Variants in ERC2 observed in about 807,000 individuals in gnomAD.
The protein encoded by ERC2 is ELKS/RAB6-interacting/CAST family member 2, also known as ERC protein 2.
A neutral mutation model predicts 114.8 loss-of-function variants in ERC2; 42 were observed. That is an observed-to-expected ratio of 0.37 (90% CI 0.29 to 0.47). The LOEUF is 0.47. Among genes scored for constraint, ERC2 ranks in the 20% least tolerant of loss-of-function variants. The probability of loss-of-function intolerance (pLI) is 0.99; values close to 1 mark genes in which losing one functional copy is unlikely to be tolerated. For missense variants in ERC2, 939 were observed against 1,150.7 expected, an observed-to-expected ratio of 0.82 and a Z score of 2.66; for synonymous variants, 454 against 425.5, an observed-to-expected ratio of 1.07 and a Z score of -0.82.
chr3:55,703,205 T>G (rs918069170), intron 15 of ERC2, among the ~76,000 whole-genome samples: 1 of 152,260 alleles, frequency 6.6e-6, no homozygotes, highest in East Asian at 1.9e-4. Flanking sequence ...GGATTCAAGT[T>G]CTTGGGAGGC....
At chr3:56,378,135 G>A (rs1022711181) in intron 2 of ERC2, among the ~76,000 whole-genome samples, 4 of 150,792 alleles carry the variant, frequency 2.7e-5, no homozygotes, top group African/African-American at 4.9e-5. Flanking sequence ...TGTTTATTGC[G>A]GCATTATTCA....
chr3:56,193,393 A>C (rs1030579422), intron 3 of ERC2, among the ~76,000 whole-genome samples: 2 of 152,068 alleles, frequency 1.3e-5, no homozygotes, highest in African/African-American at 4.8e-5. Flanking sequence ...ATGTAATCCC[A>C]GCTATTCAGG....
intron 3 of ERC2, among the ~76,000 whole-genome samples, chr3:56,225,662 C>T (rs1213558760): frequency 6.6e-6 from 1 of 152,192 alleles, no homozygotes; most frequent in Non-Finnish European, 1.5e-5. Flanking sequence ...TTTTGTCTAA[C>T]ACCTTCTTAC....
intron 17 of ERC2, among the ~76,000 whole-genome samples, chr3:55,614,900 AAAAC>A (rs982921651): frequency 4.6e-5 from 7 of 152,356 alleles, no homozygotes; most frequent in South Asian, 4.1e-4. Context: ...ACTTACCACT[AAAAC>A]AAACAAACAA....
At chr3:55,693,515 A>T (rs2062770117) in intron 16 of ERC2, among the ~76,000 whole-genome samples, 1 of 152,068 alleles carries the variant, frequency 6.6e-6, no homozygotes, top group Admixed American at 6.5e-5. Context: ...CTACTTGAGG[A>T]TCTCATTCTG....
rs368392913 is a variant in ERC2 at position 55,796,286 on chromosome 3, G to A, written c.2565-61368C>T. ...TGAACTATTGGGCCTTCGGTGGACT[G>A]CATGAGAAGCAGAAATCTCAAAAGT... On this transcript the variant is annotated intron_variant, in intron 14 of 17. Transcript: ENST00000288221. Among the ~76,000 whole-genome samples the A allele has an allele frequency of 7.2e-5, 11 of 152,328 alleles. No homozygotes were observed. The East Asian group carries it at 1.7e-3, about 24-fold the overall frequency.
chr3:55,942,675 A>T (rs1009824990), intron 13 of ERC2, among the ~76,000 whole-genome samples: 3 of 152,144 alleles, frequency 2.0e-5, no homozygotes, highest in Admixed American at 6.5e-5. Context: ...CATAAATAAG[A>T]TGTAGAGGGA....
At chr3:55,544,310 A>G (rs1307167022) in intron 17 of ERC2, among the ~76,000 whole-genome samples, 6 of 152,112 alleles carry the variant, frequency 3.9e-5, no homozygotes, top group Admixed American at 3.3e-4. Context: ...CCACTCACAC[A>G]TGTGGCCCAG....
chr3:55,944,893 T>C (rs2067032340), intron 13 of ERC2, among the ~76,000 whole-genome samples: 1 of 152,222 alleles, frequency 6.6e-6, no homozygotes, highest in African/African-American at 2.4e-5. Context: ...TTGTCCTCTG[T>C]AGACTAACAA....
chr3:56,207,659 C>T (rs1035431039), intron 3 of ERC2, among the ~76,000 whole-genome samples: 7 of 152,034 alleles, frequency 4.6e-5, no homozygotes, highest in Non-Finnish European at 1.0e-4. Flanking sequence ...AGAAAAAAAC[C>T]TTTTAAAAAT....
At position 56,185,852 on chromosome 3, in the gene ERC2, T is replaced by G. The variant is rs117428624; in HGVS notation, c.1075-12332A>C. Among the ~76,000 whole-genome samples the G allele has an allele frequency of 6.0e-3, 920 of 152,106 alleles. 75 individuals are homozygous for G. The East Asian group carries it at 0.16, about 26-fold the overall frequency. Reference sequence around the variant, plus strand: ...ATGTGCCTTATAAAAGCTGAGAACTTTCTCTGGCTGGAGGCAGAGAGAGAT... The same window carrying G: ...ATGTGCCTTATAAAAGCTGAGAACTGTCTCTGGCTGGAGGCAGAGAGAGAT... On this transcript the variant is annotated intron_variant, in intron 3 of 17. Transcript: ENST00000288221.
intron 3 of ERC2, among the ~76,000 whole-genome samples, chr3:56,218,593 G>T (rs1377471284): frequency 2.0e-5 from 3 of 152,110 alleles, no homozygotes; most frequent in Non-Finnish European, 4.4e-5. Context: ...AATCCCTCAG[G>T]GATCTAGAAC....
intron 16 of ERC2, 84 bp from the exon 17 acceptor site, chr3:55,683,943 G>T: frequency 7.0e-7 from 1 of 1,434,004 alleles, no homozygotes; most frequent in Non-Finnish European, 9.6e-7. Flanking sequence ...ACACCGAGAT[G>T]CACTGGAAAG....
intron 1 of ERC2, among the ~76,000 whole-genome samples, chr3:56,446,629 C>CTTTTTTTTTTTTTTTTTT (rs71099637): frequency 3.0e-5 from 4 of 132,094 alleles, no homozygotes; most frequent in African/African-American, 1.1e-4. Context: ...TTTTTTCTTT[C>CTTTTTTTTTTTTTTTTTT]TTTTTTTTTT....
chr3:55,912,826 A>G (rs529081532), intron 13 of ERC2, among the ~76,000 whole-genome samples: 126 of 152,268 alleles, frequency 8.3e-4, no homozygotes, highest in African/African-American at 2.7e-3. Flanking sequence ...GGAAAGTATG[A>G]GAGAGAGAAA....
intron 3 of ERC2, among the ~76,000 whole-genome samples, chr3:56,187,666 C>T (rs1409148409): frequency 6.6e-6 from 1 of 152,066 alleles, no homozygotes; most frequent in Non-Finnish European, 1.5e-5. Flanking sequence ...CTGTTATAGA[C>T]AGCAGTCAGA....
At chr3:56,299,962 T>C (rs987480341) in intron 2 of ERC2, among the ~76,000 whole-genome samples, 2 of 152,162 alleles carry the variant, frequency 1.3e-5, no homozygotes, top group Admixed American at 6.5e-5. Context: ...AACAGCAACA[T>C]TGGAAAGACC....
chr3:55,991,923 C>A (rs4974159), intron 11 of ERC2, 134 bp downstream of exon 11: 110,475 of 737,562 alleles, frequency 0.15, 9,417 homozygotes, highest in South Asian at 0.24. Flanking sequence ...CTTTCACAGG[C>A]CATATTCCTC....
intron 14 of ERC2, among the ~76,000 whole-genome samples, chr3:55,862,548 G>GT (rs1250164220): frequency 6.6e-6 from 1 of 152,156 alleles, no homozygotes; most frequent in Non-Finnish European, 1.5e-5. Flanking sequence ...AGACTTGACT[G>GT]TTACGTGAGA....
Sources: gnomAD v4.1 joint callset for allele counts (sites outside exome capture counted in the v4.1 genomes callset) on GRCh38, gnomAD v4.1.1 for gene constraint, MANE v1.5 for transcripts, NCBI Gene and HGNC (gene_info 2026-07-23, HGNC 2026-07-21) for gene names.